Variants in OGT observed in about 807,000 individuals in gnomAD.
The protein encoded by OGT is O-linked N-acetylglucosamine (GlcNAc) transferase, also known as UDP-N-acetylglucosamine--peptide N-acetylglucosaminyltransferase 110 kDa subunit.
A neutral mutation model predicts 75.8 loss-of-function variants in OGT; 3 were observed. The observed-to-expected ratio is 0.04, with a 90% confidence interval of 0.02 to 0.10. The LOEUF is 0.10. Ranked by LOEUF, OGT falls within the 10% of genes least tolerant of loss-of-function variation. The probability of loss-of-function intolerance (pLI) is 1.00; values close to 1 mark genes in which losing one functional copy is unlikely to be tolerated. For synonymous variants in OGT, 257 were observed against 289.7 expected, an observed-to-expected ratio of 0.89 and a Z score of 1.15; for missense variants, 260 against 824.4, an observed-to-expected ratio of 0.32 and a Z score of 8.38.
intron 3 of OGT, among the ~76,000 whole-genome samples, chrX:71,540,760 C>A (rs1182174332): frequency 9.2e-6 from 1 of 108,151 alleles, no homozygotes; most frequent in Admixed American, 9.9e-5. Context: ...GCAACCTCTG[C>A]CTCCTGGGTT....
At chrX:71,563,885 C>T (rs186909470) in intron 18 of OGT, among the ~76,000 whole-genome samples, 155 of 112,095 alleles carry the variant, frequency 1.4e-3, no homozygotes, top group Non-Finnish European at 2.7e-3. Context: ...TTACCGCTAA[C>T]GTCTCCATCC....
At chrX:71,559,213 C>T (rs1340085927) in intron 12 of OGT, 54 bp from the exon 13 acceptor site, 7 of 1,131,083 alleles carry the variant, frequency 6.2e-6, no homozygotes, top group Non-Finnish European at 7.2e-6. Context: ...CGTCAGTTTT[C>T]CTAGATGAAA....
Position 71,563,243 on chromosome X carries a change from C to T in OGT, c.2262C>T (p.Val754=), listed in dbSNP as rs1222636770. The T allele has an allele frequency of 1.7e-6, 2 of 1,204,363 alleles. No homozygotes were observed. Among genetic ancestry groups the T allele is most frequent in the East Asian group, 5.9e-5 (2 of 33,829 alleles). ...FLDSLPDVKI[V]KMKCPDGGDN... ...ATAGTCTACCAGATGTGAAAATTGTCAAGGTCAGAACCTAGTCAGTATTGT... is the reference window on the plus strand; with the variant it reads ...ATAGTCTACCAGATGTGAAAATTGTTAAGGTCAGAACCTAGTCAGTATTGT... The change falls in exon 17 of 22, where the codon GTC becomes GTT. Residue 754 remains valine (V), a synonymous_variant. Coordinates refer to ENST00000373719, the MANE Select transcript of OGT (RefSeq NM_181672.3).
chrX:71,542,380 G>T (rs754806852), intron 3 of OGT, among the ~76,000 whole-genome samples: 40 of 111,704 alleles, frequency 3.6e-4, no homozygotes, highest in Non-Finnish European at 3.2e-4. Context: ...CATTTAATAT[G>T]ATGTTTTAGC....
At chrX:71,552,663 G>C in intron 5 of OGT, among the ~76,000 whole-genome samples, 1 of 110,329 alleles carries the variant, frequency 9.1e-6, no homozygotes, top group East Asian at 2.8e-4. Context: ...AGGATTACAG[G>C]CATGAGCCAC....
chrX:71,537,790 C>G (rs373841859), intron 2 of OGT, 39 bp from the exon 3 acceptor site: 2 of 1,197,935 alleles, frequency 1.7e-6, no homozygotes, highest in African/African-American at 3.5e-5. Context: ...TTTTCTGTAA[C>G]GTGCATACCC....
At chrX:71,551,057 C>CA (rs1433005234) in intron 5 of OGT, among the ~76,000 whole-genome samples, 10 of 111,627 alleles carry the variant, frequency 9.0e-5, no homozygotes, top group African/African-American at 2.9e-4. Context: ...TCCTCAACCA[C>CA]AAAAAAATAA....
chrX:71,562,269 G>T (rs2040389791), intron 15 of OGT, among the ~76,000 whole-genome samples: 1 of 112,584 alleles, frequency 8.9e-6, no homozygotes, highest in African/African-American at 3.2e-5. Flanking sequence ...TTTGAGTCCT[G>T]CCTGGGCAAC....
At chrX:71,549,961 C>T (rs907882041) in intron 5 of OGT, among the ~76,000 whole-genome samples, 1 of 111,188 alleles carries the variant, frequency 9.0e-6, no homozygotes, top group Non-Finnish European at 1.9e-5. Context: ...TGAGGAGGCT[C>T]CCACTGGCTA....
chrX:71,566,529 G>A (rs2040417674), intron 19 of OGT, among the ~76,000 whole-genome samples: 1 of 111,705 alleles, frequency 9.0e-6, no homozygotes. Context: ...GATCTTGTGA[G>A]AACTCACTCT....
chrX:71,535,658 A>G (rs748432690), intron 1 of OGT, among the ~76,000 whole-genome samples: 2 of 112,046 alleles, frequency 1.8e-5, no homozygotes, highest in South Asian at 7.4e-4. Flanking sequence ...GAATTAACAC[A>G]TCTGGTGTCC....
At chrX:71,548,319 AT>A (rs1255983615) in intron 5 of OGT, among the ~76,000 whole-genome samples, 2 of 111,629 alleles carry the variant, frequency 1.8e-5, no homozygotes, top group Non-Finnish European at 3.8e-5. Context: ...ACACACTATT[AT>A]AAAATAAGAA....
chrX:71,566,366 A>G (rs1366474951), intron 19 of OGT, among the ~76,000 whole-genome samples: 5 of 111,977 alleles, frequency 4.5e-5, no homozygotes, highest in African/African-American at 1.6e-4. Context: ...TTTATAAAGG[A>G]AAGAGGTTTA....
chrX:71,564,859 T>A lies in OGT; in HGVS notation c.2589+106T>A. On this transcript the variant is annotated intron_variant, in intron 19 of 21. Transcript: ENST00000373719. The stretch of plus-strand genomic sequence containing the variant: ...TTAGGAGCTGTTCTGCTCATTTCTT[T>A]TTAAAATTTTTTTTTGGCTGGGTGC... 4 of 676,758 alleles carry A rather than the reference T, an allele frequency of 5.9e-6. No homozygotes were observed. In the South Asian group the frequency reaches 1.3e-4, roughly 23 times the overall value. 55.8% of individuals were successfully genotyped at this position (676,758 alleles called of 1,213,427 possible). A position where few individuals can be genotyped will look rare whatever the true frequency, so the allele number is the denominator to read the frequency against.
intron 14 of OGT, 77 bp downstream of exon 14, chrX:71,559,754 G>T (rs923371299): frequency 3.9e-6 from 3 of 767,813 alleles, no homozygotes; most frequent in Non-Finnish European, 5.7e-6. Context: ...GTTTATTTTT[G>T]ATGATAAGTA....
chrX:71,553,135 A>G (rs1363919498), intron 5 of OGT, among the ~76,000 whole-genome samples: 1 of 111,671 alleles, frequency 9.0e-6, no homozygotes, highest in Non-Finnish European at 1.9e-5. Flanking sequence ...TCTGTCGCCC[A>G]GGCTGGAGTG....
chrX:71,539,363 T>C (rs936760116), intron 3 of OGT, among the ~76,000 whole-genome samples: 1 of 110,258 alleles, frequency 9.1e-6, no homozygotes, highest in Non-Finnish European at 1.9e-5. Context: ...TTAAAAAACA[T>C]TTTTTTTTAA....
At chrX:71,542,188 A>G (rs2040224274) in intron 3 of OGT, among the ~76,000 whole-genome samples, 1 of 112,285 alleles carries the variant, frequency 8.9e-6, no homozygotes, top group Non-Finnish European at 1.9e-5. Context: ...TGGGATGGAT[A>G]AAATGGGCTA....
At chrX:71,569,192 G>A (rs1353329792) in intron 21 of OGT, among the ~76,000 whole-genome samples, 1 of 111,552 alleles carries the variant, frequency 9.0e-6, no homozygotes, top group Non-Finnish European at 1.9e-5. Flanking sequence ...GCCAGGCATG[G>A]TGGCGGGCGT....
Sources: gnomAD v4.1 joint callset for allele counts (sites outside exome capture counted in the v4.1 genomes callset) on GRCh38, gnomAD v4.1.1 for gene constraint, MANE v1.5 for transcripts, NCBI Gene and HGNC (gene_info 2026-07-23, HGNC 2026-07-21) for gene names.